The following TNFSF11 variants were observed in gnomAD, a reference collection of about 807,000 sequenced individuals.
The protein encoded by TNFSF11 is tumor necrosis factor ligand superfamily member 11.
Under a neutral mutation model 32.2 loss-of-function variants are expected in TNFSF11, and 12 were observed. The observed-to-expected ratio is 0.37, with a 90% CI of 0.24 to 0.60. The LOEUF (loss-of-function observed/expected upper bound fraction) is 0.60, where lower values mean the gene tolerates loss of function less well. TNFSF11 is among the 20% of genes least tolerant of loss of function. The pLI is 0.66. For synonymous variants in TNFSF11, 172 were observed against 152.1 expected (o/e 1.13, Z -0.96); for missense variants, 345 against 398.0 (o/e 0.87, Z 1.13).
At chr13:42,602,490 C>T (rs1291895897) in intron 4 of TNFSF11, among the ~76,000 whole-genome samples, 1 of 152,130 alleles carries the variant, frequency 6.6e-6, no homozygotes, top group Non-Finnish European at 1.5e-5. Flanking sequence ...GGGAATTTTT[C>T]CTGACCGAAG....
upstream of TNFSF11, among the ~76,000 whole-genome samples, chr13:42,570,034 G>C (rs1873007697): frequency 6.6e-6 from 1 of 151,862 alleles, no homozygotes; most frequent in Non-Finnish European, 1.5e-5. Flanking sequence ...TTTCTGCTTG[G>C]AGTTTGAATA....
At chr13:42,604,822 C>T (rs896682034) in intron 4 of TNFSF11, among the ~76,000 whole-genome samples, 37 of 152,126 alleles carry the variant, frequency 2.4e-4, no homozygotes, top group African/African-American at 8.9e-4. Flanking sequence ...CTTGCTCTGT[C>T]TCCCAGGCTG....
At chr13:42,600,321 G>T (rs947975938) in intron 2 of TNFSF11, among the ~76,000 whole-genome samples, 2 of 152,098 alleles carry the variant, frequency 1.3e-5, no homozygotes, top group African/African-American at 2.4e-5. Context: ...CTGAGCTTTA[G>T]TATTATAACA....
In TNFSF11 at chr13:42,607,707, G is replaced by A. The variant is rs921985292; in HGVS notation, c.*789G>A. The A allele has an allele frequency of 1.3e-5, 2 of 152,734 alleles. No individual in the cohort carries two copies. Among genetic ancestry groups the A allele is most frequent in the Non-Finnish European group, 2.9e-5 (2 of 68,032 alleles). The allele number at this position is 152,734 out of a possible 1,614,324, so 9.5% of individuals were successfully genotyped here. ...GGATGCCTTGAATAATAAGCAGGAT[G>A]TTGGCCACCAGGTGCCTTTCAAATT... is the stretch of plus-strand genomic sequence containing the variant. On this transcript the variant is annotated 3_prime_UTR_variant, in exon 5 of 5. Coordinates refer to ENST00000398795, the MANE Select transcript of TNFSF11 (RefSeq NM_003701.4).
chr13:42,572,859 G>A (rs1873119042), upstream of TNFSF11, among the ~76,000 whole-genome samples: 1 of 152,116 alleles, frequency 6.6e-6, no homozygotes, highest in South Asian at 2.1e-4. Flanking sequence ...TAGCGAATTA[G>A]GCAGAAAGAG....
chr13:42,593,251 C>T (rs572783420), intron 2 of TNFSF11, among the ~76,000 whole-genome samples: 2 of 152,166 alleles, frequency 1.3e-5, no homozygotes, highest in Admixed American at 6.5e-5. Context: ...GGGATGAAGA[C>T]GAATTGCATA....
At chr13:42,568,867 T>C (rs1191154888) in intron 2 of TNFSF11, among the ~76,000 whole-genome samples, 3 of 152,210 alleles carry the variant, frequency 2.0e-5, no homozygotes, top group Non-Finnish European at 4.4e-5. Flanking sequence ...ATATATTTTA[T>C]AATAGCCACA....
chr13:42,573,069 T>G (rs936958321), upstream of TNFSF11, among the ~76,000 whole-genome samples: 1 of 152,142 alleles, frequency 6.6e-6, no homozygotes, highest in African/African-American at 2.4e-5. Context: ...TAATACTTAA[T>G]AGAATGTAAA....
chr13:42,574,169 C>A lies in TNFSF11; in HGVS notation c.-135C>A. 1 of 1,252,930 alleles carries A rather than the reference C, an allele frequency of 8.0e-7. No individual in the cohort carries two copies. The highest frequency in any genetic ancestry group is 1.1e-6 in the Non-Finnish European group (1 of 891,778). The allele number at this position is 1,252,930 out of a possible 1,614,324, so 77.6% of individuals were successfully genotyped here. A position where few individuals can be genotyped will look rare whatever the true frequency, so the allele number is the denominator to read the frequency against. ...GGCGCCCTGCCCGCTCGCCCGCGCG[C>A]CCCAGGACCCAAAGCCGGGCTCCAA... On this transcript the variant is annotated 5_prime_UTR_variant, in exon 1 of 5. Coordinates refer to ENST00000398795, the MANE Select transcript of TNFSF11 (RefSeq NM_003701.4).
At chr13:42,569,084 C>T (rs541806459) in intron 2 of TNFSF11, among the ~76,000 whole-genome samples, 2 of 152,270 alleles carry the variant, frequency 1.3e-5, no homozygotes, top group South Asian at 2.1e-4. Flanking sequence ...AGTAGGTTAA[C>T]GCCCTCCGCC....
rs1173318286 is a variant in TNFSF11, at chr13:42,574,255, G to A, written c.-49G>A. Reference sequence around the variant, plus strand: ...CGGAGTTGGCCGCAGACAAGAAGGGGAGGGAGCGGGAGAGGGAGGAGAGCT... The same window carrying A: ...CGGAGTTGGCCGCAGACAAGAAGGGAAGGGAGCGGGAGAGGGAGGAGAGCT... On this transcript the variant is annotated 5_prime_UTR_variant, in exon 1 of 5. Transcript: ENST00000398795. 1 of 1,540,288 alleles carries A rather than the reference G, an allele frequency of 6.5e-7. No homozygotes were observed.
intron 4 of TNFSF11, among the ~76,000 whole-genome samples, chr13:42,602,353 T>A (rs1032778948): frequency 2.0e-5 from 3 of 152,194 alleles, no homozygotes; most frequent in African/African-American, 7.2e-5. Flanking sequence ...TTGAGTTCAA[T>A]TAAATAATTA....
intron 2 of TNFSF11, among the ~76,000 whole-genome samples, chr13:42,599,350 A>T (rs866328641): frequency 1.6e-3 from 1 of 630 alleles, no homozygotes; most frequent in African/African-American, 4.5e-3. Flanking sequence ...TCTATCTATC[A>T]TCTATCTATC....
At chr13:42,595,878 C>A (rs1240822030) in intron 2 of TNFSF11, among the ~76,000 whole-genome samples, 1 of 152,116 alleles carries the variant, frequency 6.6e-6, no homozygotes, top group Admixed American at 6.5e-5. Flanking sequence ...CCGGCAGTGC[C>A]GTCTGAATGA....
At chr13:42,585,291 A>G (rs887493586) in intron 2 of TNFSF11, among the ~76,000 whole-genome samples, 1 of 152,262 alleles carries the variant, frequency 6.6e-6, no homozygotes, top group African/African-American at 2.4e-5. Context: ...CCCTTAAAAC[A>G]AAATTACATG....
chr13:42,601,267 T>G (rs563097981), intron 4 of TNFSF11, among the ~76,000 whole-genome samples: 13 of 152,212 alleles, frequency 8.5e-5, no homozygotes, highest in Non-Finnish European at 1.9e-4. Context: ...GGACAATCCT[T>G]TGTTATGCTC....
At chr13:42,575,825 A>G (rs1432959006) in intron 1 of TNFSF11, among the ~76,000 whole-genome samples, 1 of 152,230 alleles carries the variant, frequency 6.6e-6, no homozygotes, top group African/African-American at 2.4e-5. Context: ...CACAGATAAC[A>G]AATCTATATG....
chr13:42,583,432 AAAAAAAGAAAGG>A (rs1274788590), intron 2 of TNFSF11, among the ~76,000 whole-genome samples: 3 of 90,374 alleles, frequency 3.3e-5, no homozygotes, highest in Non-Finnish European at 5.1e-5. Context: ...AAAAAAAAAA[AAAAAAAGAAAGG>A]AAGAAAGGAA....
chr13:42,581,107 T>C lies in TNFSF11; in HGVS notation c.220-19T>C. On this transcript the variant is annotated intron_variant, in intron 1 of 4. Coordinates refer to ENST00000398795, the MANE Select transcript of TNFSF11 (RefSeq NM_003701.4). Reference sequence around the variant, plus strand: ...CTAGTGATAAGCACTCTAACGTCCTTACTGTTTCTCCTCCTCAGATGGATC... The same window carrying C: ...CTAGTGATAAGCACTCTAACGTCCTCACTGTTTCTCCTCCTCAGATGGATC... The C allele has an allele frequency of 6.2e-7, 1 of 1,613,880 alleles. No homozygotes were observed. The highest frequency in any genetic ancestry group is 8.5e-7 in the Non-Finnish European group (1 of 1,179,802).
Sources: allele counts gnomAD v4.1 joint callset (sites outside exome capture counted in the v4.1 genomes callset), GRCh38; gene constraint gnomAD v4.1.1; transcripts MANE v1.5; gene names NCBI Gene and HGNC (gene_info 2026-07-23, HGNC 2026-07-21).